DOCK3: variants seen among roughly 807,000 people sequenced by gnomAD.
DOCK3 encodes the protein dedicator of cytokinesis 3.
DOCK3 carries 60 observed loss-of-function variants against 265.6 expected under a neutral mutation model. That is an observed-to-expected ratio of 0.23 (90% CI 0.18 to 0.28). DOCK3 has a LOEUF of 0.28. Among genes scored for constraint, DOCK3 ranks in the 10% least tolerant of loss-of-function variants. The pLI, the probability that DOCK3 is intolerant of heterozygous loss-of-function variation, is 1.00. For synonymous variants in DOCK3, 881 were observed against 938.0 expected (o/e 0.94, Z 1.11); for missense variants, 1,981 against 2,594.3 (o/e 0.76, Z 5.14).
intron 12 of DOCK3, among the ~76,000 whole-genome samples, chr3:51,170,602 AATTTT>A (rs1390258090): frequency 1.3e-5 from 2 of 152,106 alleles, no homozygotes; most frequent in Non-Finnish European, 2.9e-5. Flanking sequence ...TTTCATTTAT[AATTTT>A]ATTTATTTGA....
At chr3:50,996,032 C>T (rs912298090) in intron 5 of DOCK3, among the ~76,000 whole-genome samples, 2 of 150,500 alleles carry the variant, frequency 1.3e-5, no homozygotes, top group African/African-American at 4.9e-5. Context: ...GAGCATCACA[C>T]CCGGCTAATT....
chr3:51,187,616 A>T (rs971729974), intron 12 of DOCK3, among the ~76,000 whole-genome samples: 2 of 152,186 alleles, frequency 1.3e-5, no homozygotes, highest in African/African-American at 4.8e-5. Context: ...TGTAGCTCTC[A>T]TAATTCCCAC....
intron 25 of DOCK3, 73 bp from the exon 26 acceptor site, chr3:51,277,535 C>T: frequency 1.4e-6 from 2 of 1,474,862 alleles, no homozygotes; most frequent in Non-Finnish European, 1.8e-6. Context: ...ATGTGGCTGA[C>T]CTAGTAAGTG....
At chr3:50,691,462 C>T (rs2035237306) in intron 1 of DOCK3, among the ~76,000 whole-genome samples, 2 of 152,102 alleles carry the variant, frequency 1.3e-5, no homozygotes, top group South Asian at 4.2e-4. Flanking sequence ...ATTCCTTCTT[C>T]TGCTGATGGA....
At chr3:50,972,024 G>A (rs1373066956) in intron 5 of DOCK3, among the ~76,000 whole-genome samples, 1 of 152,244 alleles carries the variant, frequency 6.6e-6, no homozygotes. Flanking sequence ...AGATTGGACA[G>A]ACAATGCTTT....
chr3:51,098,046 T>C (rs1273087168), intron 9 of DOCK3, among the ~76,000 whole-genome samples: 4 of 151,986 alleles, frequency 2.6e-5, no homozygotes, highest in African/African-American at 7.2e-5. Context: ...AGACCAGATC[T>C]GTTCCTATTT....
At chr3:51,189,653 C>T (rs949726567) in intron 12 of DOCK3, among the ~76,000 whole-genome samples, 3 of 152,142 alleles carry the variant, frequency 2.0e-5, no homozygotes, top group Admixed American at 1.3e-4. Context: ...TCTTTACCCA[C>T]TCATTGGTTT....
intron 12 of DOCK3, among the ~76,000 whole-genome samples, chr3:51,203,274 G>A (rs996114589): frequency 9.9e-5 from 15 of 152,158 alleles, no homozygotes; most frequent in South Asian, 4.2e-4. Context: ...AAACCCCATT[G>A]TCTCAGCCCA....
intron 1 of DOCK3, among the ~76,000 whole-genome samples, chr3:50,728,444 A>G (rs1426927252): frequency 6.6e-6 from 1 of 152,284 alleles, no homozygotes; most frequent in Non-Finnish European, 1.5e-5. Context: ...TTAGAAGGAA[A>G]GAAATAAAGA....
rs1215996974 is a variant in DOCK3 at position 51,350,338 on chromosome 3, G to A, written c.4053G>A (p.Glu1351=). The A allele has an allele frequency of 1.2e-6, 2 of 1,611,996 alleles. No individual in the cohort carries two copies. Among genetic ancestry groups the A allele is most frequent in the East Asian group, 2.2e-5 (1 of 44,844 alleles). ...ACATTATGGAGCAGCAACGCCTGGA[G>A]CCTGAGTTCTTTCGGGTCGGCTTCT... ...YDNIMEQQRL[E]PEFFRVGFYG... The change falls in exon 40 of 53, where the codon GAG becomes GAA. Residue 1351 remains glutamate (E), a synonymous_variant. Coordinates refer to ENST00000266037, the MANE Select transcript of DOCK3 (RefSeq NM_004947.5).
At chr3:51,018,015 C>T (rs2079426014) in intron 5 of DOCK3, among the ~76,000 whole-genome samples, 1 of 151,590 alleles carries the variant, frequency 6.6e-6, no homozygotes, top group Non-Finnish European at 1.5e-5. Context: ...ACCTCAGCCT[C>T]CCGAGTACCT....
chr3:50,764,683 C>T (rs2040752304), intron 1 of DOCK3, among the ~76,000 whole-genome samples: 1 of 152,082 alleles, frequency 6.6e-6, no homozygotes, highest in African/African-American at 2.4e-5. Flanking sequence ...ATGACACATA[C>T]CTGTAGTTCC....
intron 33 of DOCK3, 103 bp downstream of exon 33, chr3:51,330,326 C>T: frequency 9.0e-7 from 1 of 1,108,660 alleles, no homozygotes; most frequent in Admixed American, 2.2e-5. Context: ...AGAGGTTGGT[C>T]ATCAAGAGGG....
intron 23 of DOCK3, among the ~76,000 whole-genome samples, chr3:51,265,400 C>T (rs2080109377): frequency 1.3e-5 from 2 of 151,906 alleles, no homozygotes; most frequent in South Asian, 4.1e-4. Context: ...ACAACAAAAA[C>T]AGAAAATTTC....
At position 51,006,223 on chromosome 3, in the gene DOCK3, C is replaced by A. The variant is rs189846522; in HGVS notation, c.316-58225C>A. 2.3e-4 allele frequency among the ~76,000 whole-genome samples: 34 copies of A among 147,928 alleles called. No homozygotes were observed. The East Asian group carries it at 3.5e-3, about 15-fold the overall frequency. ...ATGATGTTTAAAATTATAAATGTTTCCTCTCACACTTCTTATTTCCCAATC... is the reference window on the plus strand; with the variant it reads ...ATGATGTTTAAAATTATAAATGTTTACTCTCACACTTCTTATTTCCCAATC... On this transcript the variant is annotated intron_variant, in intron 5 of 52. Coordinates refer to ENST00000266037, the MANE Select transcript of DOCK3 (RefSeq NM_004947.5).
chr3:50,767,012 A>ATAT (rs1208525930), intron 1 of DOCK3, among the ~76,000 whole-genome samples: 1 of 151,850 alleles, frequency 6.6e-6, no homozygotes, highest in African/African-American at 2.4e-5. Flanking sequence ...TAGATTCTGG[A>ATAT]TATTAGCCCT....
At chr3:50,879,848 A>C (rs2047933636) in intron 3 of DOCK3, among the ~76,000 whole-genome samples, 1 of 152,194 alleles carries the variant, frequency 6.6e-6, no homozygotes, top group South Asian at 2.1e-4. Context: ...GCACTACATC[A>C]CACTTATTCC....
At chr3:51,205,362 A>G (rs1296547981) in intron 12 of DOCK3, among the ~76,000 whole-genome samples, 2 of 151,976 alleles carry the variant, frequency 1.3e-5, no homozygotes, top group African/African-American at 4.8e-5. Flanking sequence ...AATGATGAAG[A>G]CTTTGATGGG....
Position 51,375,764 on chromosome 3 carries a change from G to A in DOCK3, c.5429G>A (p.Arg1810Gln), listed in dbSNP as rs746225932. 6.8e-6 allele frequency: 11 copies of A among 1,613,896 alleles called. No homozygotes were observed. Among genetic ancestry groups the A allele is most frequent in the East Asian group, 4.5e-5 (2 of 44,882 alleles). ...LENGQPPNFQ[R>Q]ALFQQVVGAC... Reference sequence around the variant, plus strand: ...TTCCTTCAGCCGCCGAATTTCCAGCGAGCCCTGTTCCAGCAAGTGGTCGGA... The same window carrying A: ...TTCCTTCAGCCGCCGAATTTCCAGCAAGCCCTGTTCCAGCAAGTGGTCGGA... Residue 1810 changes from arginine (R) to glutamine (Q), a missense_variant, in exon 51 of 53, where the codon CGA (arginine) becomes CAA (glutamine). Arg to Gln is a conservative substitution (Grantham distance 43). Around this residue, in one of 4 missense-constraint regions of DOCK3, gnomAD observed 1,357 missense variants for 1,866.8 expected, o/e 0.73. Transcript: ENST00000266037.
Sources: gnomAD v4.1 joint callset for allele counts (sites outside exome capture counted in the v4.1 genomes callset) on GRCh38, gnomAD v4.1.1 for gene constraint, gnomAD v4.1.1 regional missense constraint, MANE v1.5 for transcripts, NCBI Gene and HGNC (gene_info 2026-07-23, HGNC 2026-07-21) for gene names.